SIM2: variants seen among roughly 807,000 people sequenced by gnomAD.
SIM2 encodes the protein single-minded homolog 2.
Under a neutral mutation model 64.8 loss-of-function variants are expected in SIM2, and 28 were observed. That is an observed-to-expected ratio of 0.43 (90% CI 0.32 to 0.59). The LOEUF (loss-of-function observed/expected upper bound fraction) is 0.59, where lower values mean the gene tolerates loss of function less well. SIM2 is among the 20% of genes least tolerant of loss of function. The probability of loss-of-function intolerance (pLI) is 0.07; values close to 1 mark genes in which losing one functional copy is unlikely to be tolerated. For missense variants in SIM2, 847 were observed against 871.4 expected (o/e 0.97, Z 0.35); for synonymous variants, 408 against 391.1 (o/e 1.04, Z -0.51).
chr21:36,720,729 A>G (rs2088813766), intron 4 of SIM2: 1 of 152,262 alleles, frequency 6.6e-6, no homozygotes. Flanking sequence ...ATCATTAAGA[A>G]GCCCTGGTCA....
intron 7 of SIM2, among the ~76,000 whole-genome samples, chr21:36,738,868 T>C (rs2089113815): frequency 2.0e-5 from 3 of 152,248 alleles, no homozygotes; most frequent in Admixed American, 2.0e-4. Context: ...GAGATGCAGA[T>C]GTTAAGCCTG....
intron 2 of SIM2, among the ~76,000 whole-genome samples, chr21:36,711,628 G>C (rs145362584): frequency 6.6e-6 from 1 of 152,290 alleles, no homozygotes; most frequent in African/African-American, 2.4e-5. Context: ...AGAATTTGTG[G>C]CCAGAAATTA....
chr21:36,719,737 G>A (rs2088796993), intron 3 of SIM2, 84 bp from the exon 4 acceptor site: 3 of 785,240 alleles, frequency 3.8e-6, no homozygotes, highest in Non-Finnish European at 6.9e-6. Flanking sequence ...CTGGCAGGGT[G>A]AGCACCTGTG....
intron 10 of SIM2, among the ~76,000 whole-genome samples, chr21:36,746,929 A>G (rs1307848909): frequency 6.6e-6 from 1 of 152,214 alleles, no homozygotes; most frequent in African/African-American, 2.4e-5. Flanking sequence ...CACACTTGAT[A>G]AAAAGTGGAC....
chr21:36,732,610 G>A (rs1470384529), intron 7 of SIM2, among the ~76,000 whole-genome samples: 2 of 152,198 alleles, frequency 1.3e-5, no homozygotes, highest in African/African-American at 2.4e-5. Context: ...CTTCTTCCTT[G>A]CTCCTTGACT....
chr21:36,724,128 C>A lies in SIM2; in HGVS notation c.543+998C>A, dbSNP rs138624848. On this transcript the variant is annotated intron_variant, in intron 5 of 10. Coordinates refer to ENST00000290399, the MANE Select transcript of SIM2 (RefSeq NM_005069.6). The stretch of plus-strand genomic sequence containing the variant: ...TTCTGGAAGGCCCCGCCCCAGCTCC[C>A]CTCTTTGACCCCACTCTGAGCTCCT... Among the ~76,000 whole-genome samples the A allele has an allele frequency of 2.4e-3, 370 of 152,368 alleles. 1 individual carries two copies. The highest frequency in any genetic ancestry group is 8.4e-3 in the African/African-American group (350 of 41,596).
In SIM2 at chr21:36,731,027, G is replaced by C. The variant is rs777315620; in HGVS notation, c.744-18G>C. The C allele has an allele frequency of 1.9e-6, 3 of 1,592,410 alleles. No homozygotes were observed. The South Asian group carries it at 3.3e-5, about 18-fold the overall frequency. ...TCTGCAGAGTGGCGTAACTCACTGA[G>C]CTGCCATGCCCCCACAGGGTGACCG... On this transcript the variant is annotated intron_variant, in intron 6 of 10. Coordinates refer to ENST00000290399, the MANE Select transcript of SIM2 (RefSeq NM_005069.6).
At chr21:36,742,510 G>A (rs867317819) in intron 8 of SIM2, among the ~76,000 whole-genome samples, 6 of 151,670 alleles carry the variant, frequency 4.0e-5, no homozygotes, top group Middle Eastern at 3.4e-3. Flanking sequence ...CTCCCACCTC[G>A]GCCTCCCAAA....
intron 6 of SIM2, among the ~76,000 whole-genome samples, chr21:36,727,007 A>C (rs535022115): frequency 6.6e-6 from 1 of 152,102 alleles, no homozygotes; most frequent in Non-Finnish European, 1.5e-5. Context: ...TTAAAGTCTG[A>C]GTTTTTTAAA....
Position 36,747,827 on chromosome 21 carries a change from G to A in SIM2, c.1739G>A (p.Cys580Tyr). 9.7e-7 allele frequency: 1 copy of A among 1,036,046 alleles called. No individual in the cohort carries two copies. The highest frequency in any genetic ancestry group is 1.2e-6 in the Non-Finnish European group (1 of 865,488). 64.2% of individuals were successfully genotyped at this position (1,036,046 alleles called of 1,614,324 possible). A position where few individuals can be genotyped will look rare whatever the true frequency, so the allele number is the denominator to read the frequency against. ...RLALARAAPE[C>Y]CAPPTPEAPG... ...GCGCTGGCCCGCGCGGCACCCGAGT[G>A]CTGCGCGCCCCCGACCCCCGAGGCC... is the stretch of plus-strand genomic sequence containing the variant. Residue 580 changes from cysteine (C) to tyrosine (Y), a missense_variant, in exon 11 of 11, where the codon TGC becomes TAC. Physicochemically the swap from Cys to Tyr is radical, Grantham distance 194. Coordinates refer to ENST00000290399, the MANE Select transcript of SIM2 (RefSeq NM_005069.6). The surrounding 1 kb of genome is among the most constrained non-coding windows in gnomAD (Gnocchi z 4.5).
intron 3 of SIM2, among the ~76,000 whole-genome samples, chr21:36,713,008 G>A (rs1226884538): frequency 6.6e-6 from 1 of 152,228 alleles, no homozygotes; most frequent in Non-Finnish European, 1.5e-5. Flanking sequence ...TTGCTATAAA[G>A]CAAGAGGTAA....
chr21:36,719,511 A>G (rs1223790774), intron 3 of SIM2, among the ~76,000 whole-genome samples: 1 of 152,206 alleles, frequency 6.6e-6, no homozygotes, highest in East Asian at 1.9e-4. Flanking sequence ...TGCCCAGGCC[A>G]GCAGCGCCGC....
chr21:36,740,216 A>T (rs1388656643), intron 7 of SIM2, among the ~76,000 whole-genome samples: 1 of 151,440 alleles, frequency 6.6e-6, no homozygotes, highest in East Asian at 1.9e-4. Context: ...GAACGTTTTC[A>T]TCATCCCAAA....
At chr21:36,723,236 C>G in intron 5 of SIM2, 106 bp downstream of exon 5, 2 of 875,918 alleles carry the variant, frequency 2.3e-6, no homozygotes, top group Admixed American at 3.5e-5. Flanking sequence ...CTCGTCATCC[C>G]CACTAATGTA....
At chr21:36,721,766 G>T (rs1419785976) in intron 4 of SIM2, among the ~76,000 whole-genome samples, 1 of 152,118 alleles carries the variant, frequency 6.6e-6, no homozygotes, top group African/African-American at 2.4e-5. Flanking sequence ...AACTGTATGG[G>T]ACTGGGCTTT....
chr21:36,709,636 T>C (rs775393549), intron 2 of SIM2: 1 of 377,962 alleles, frequency 2.6e-6, no homozygotes, highest in Non-Finnish European at 5.1e-6. Flanking sequence ...TGGGCTGCTC[T>C]GAGCTCTGAA....
At chr21:36,716,640 C>G (rs1268493951) in intron 3 of SIM2, among the ~76,000 whole-genome samples, 1 of 152,198 alleles carries the variant, frequency 6.6e-6, no homozygotes, top group Non-Finnish European at 1.5e-5. Flanking sequence ...AAACAACTCT[C>G]CCCTTCCACA....
intron 9 of SIM2, 83 bp from the exon 10 acceptor site, chr21:36,744,645 C>G: frequency 1.4e-6 from 2 of 1,477,074 alleles, no homozygotes; most frequent in Admixed American, 4.5e-5. Context: ...GGTTGGGCCC[C>G]GTCGGGACGG....
intron 1 of SIM2, among the ~76,000 whole-genome samples, chr21:36,704,499 G>A (rs1291878921): frequency 6.6e-6 from 1 of 152,256 alleles, no homozygotes; most frequent in Non-Finnish European, 1.5e-5. Context: ...AAGTGGTAAA[G>A]GGGACACCCG....
Sources: allele counts gnomAD v4.1 joint callset (sites outside exome capture counted in the v4.1 genomes callset), GRCh38; gene constraint gnomAD v4.1.1; non-coding constraint Gnocchi (gnomAD v3.1); transcripts MANE v1.5; gene names NCBI Gene and HGNC (gene_info 2026-07-23, HGNC 2026-07-21).